PTPRD: variants seen among roughly 807,000 people sequenced by gnomAD.
The protein encoded by PTPRD is receptor-type tyrosine-protein phosphatase delta.
A neutral mutation model predicts 214.5 loss-of-function variants in PTPRD; 34 were observed. The observed-to-expected ratio is 0.16, with a 90% CI of 0.12 to 0.21. The LOEUF (loss-of-function observed/expected upper bound fraction) is 0.21, where lower values mean the gene tolerates loss of function less well. Ranked by LOEUF, PTPRD falls within the 10% of genes least tolerant of loss-of-function variation. PTPRD has a pLI of 1.00. For synonymous variants in PTPRD, 1,128 were observed against 845.7 expected (o/e 1.33, Z -5.79); for missense variants, 2,545 against 2,398.7 (o/e 1.06, Z -1.27).
intron 44 of PTPRD, 141 bp from the exon 45 acceptor site, chr9:8,320,107 T>G: frequency 9.8e-7 from 1 of 1,016,314 alleles, no homozygotes; most frequent in Non-Finnish European, 1.4e-6. Flanking sequence ...GGTATCACAT[T>G]CATCAAATGA....
chr9:10,523,238 C>T (rs927874622), intron 2 of PTPRD, among the ~76,000 whole-genome samples: 3 of 151,854 alleles, frequency 2.0e-5, no homozygotes, highest in African/African-American at 7.3e-5. Flanking sequence ...ATTGCAAAAT[C>T]CTATATGAAA....
intron 8 of PTPRD, among the ~76,000 whole-genome samples, chr9:9,547,789 C>A (rs945105883): frequency 7.0e-6 from 1 of 142,912 alleles, no homozygotes; most frequent in Admixed American, 6.9e-5. Context: ...CTCAAATAAA[C>A]ACAAATTCAC....
intron 11 of PTPRD, among the ~76,000 whole-genome samples, chr9:8,866,076 C>T (rs2098190842): frequency 6.6e-6 from 1 of 152,128 alleles, no homozygotes; most frequent in Non-Finnish European, 1.5e-5. Context: ...TGCCTGTAAA[C>T]ATTATTTCCT....
chr9:9,590,663 A>C (rs752536947), intron 7 of PTPRD, among the ~76,000 whole-genome samples: 3 of 151,874 alleles, frequency 2.0e-5, no homozygotes, highest in Non-Finnish European at 4.4e-5. Flanking sequence ...TTCATAATAA[A>C]ATGATAATCA....
chr9:10,382,816 A>G (rs2154484970), intron 2 of PTPRD, among the ~76,000 whole-genome samples: 1 of 152,036 alleles, frequency 6.6e-6, no homozygotes, highest in Non-Finnish European at 1.5e-5. Context: ...CACAAAATGC[A>G]AAGCACAAAT....
At chr9:8,919,858 C>A (rs2098813735) in intron 11 of PTPRD, among the ~76,000 whole-genome samples, 1 of 150,886 alleles carries the variant, frequency 6.6e-6, no homozygotes, top group African/African-American at 2.5e-5. Context: ...ATCATGCATA[C>A]ATAGATGTAC....
At chr9:9,248,940 G>A (rs1569565670) in intron 9 of PTPRD, among the ~76,000 whole-genome samples, 1 of 152,044 alleles carries the variant, frequency 6.6e-6, no homozygotes, top group East Asian at 1.9e-4. Flanking sequence ...TGGCAAAGCT[G>A]CAGGTTCAGT....
At chr9:10,060,522 C>T (rs1489749270) in intron 3 of PTPRD, among the ~76,000 whole-genome samples, 1 of 151,864 alleles carries the variant, frequency 6.6e-6, no homozygotes, top group African/African-American at 2.4e-5. Flanking sequence ...CACTAGAGGG[C>T]ACTATTGTAA....
At chr9:8,528,825 G>A (rs2074923735) in intron 14 of PTPRD, 46 bp from the exon 15 acceptor site, 2 of 1,578,602 alleles carry the variant, frequency 1.3e-6, no homozygotes, top group Non-Finnish European at 8.7e-7. Context: ...TAAGTCAGAT[G>A]CTCCAAATTC....
intron 6 of PTPRD, among the ~76,000 whole-genome samples, chr9:9,735,500 A>G (rs544925617): frequency 6.6e-6 from 1 of 152,224 alleles, no homozygotes; most frequent in Non-Finnish European, 1.5e-5. Flanking sequence ...ATATGTGCAT[A>G]TGAATATGTG....
intron 5 of PTPRD, among the ~76,000 whole-genome samples, chr9:9,768,738 T>C (rs187141190): frequency 1.6e-3 from 246 of 152,266 alleles, no homozygotes; most frequent in Non-Finnish European, 2.2e-3. Flanking sequence ...AATCCAATTG[T>C]CTAATAGCCA....
At chr9:9,031,142 C>A (rs958915469) in intron 10 of PTPRD, among the ~76,000 whole-genome samples, 76 of 151,990 alleles carry the variant, frequency 5.0e-4, no homozygotes, top group African/African-American at 1.8e-3. Flanking sequence ...AGTAAGATTT[C>A]ATGTGGTGAC....
chr9:10,126,911 T>TC lies in PTPRD; in HGVS notation c.-544-93122dup, dbSNP rs146283002. 2.0e-3 allele frequency among the ~76,000 whole-genome samples: 299 copies of TC among 150,562 alleles called. 2 individuals are homozygous for TC. Among genetic ancestry groups the TC allele is most frequent in the African/African-American group, 6.9e-3 (282 of 41,094 alleles). ...AGATAGAAATTGCCATGTAACCAGC[T>TC]CCCAGAATGCCTTAGACTCTGAGTC... On this transcript the variant is annotated intron_variant, in intron 3 of 45. Coordinates refer to ENST00000381196, the MANE Select transcript of PTPRD (RefSeq NM_002839.4).
intron 7 of PTPRD, among the ~76,000 whole-genome samples, chr9:9,702,627 A>G (rs1347279039): frequency 6.6e-6 from 1 of 152,202 alleles, no homozygotes; most frequent in Non-Finnish European, 1.5e-5. Context: ...GTGAGGAGAA[A>G]ACAGAAAAGA....
At chr9:10,403,227 A>AATATATATATAT (rs58712564) in intron 2 of PTPRD, among the ~76,000 whole-genome samples, 7,763 of 59,362 alleles carry the variant, frequency 0.13, 1,270 homozygotes, top group Non-Finnish European at 0.16. Context: ...TGTGTGTGTA[A>AATATATATATAT]ATATATATAT....
intron 39 of PTPRD, among the ~76,000 whole-genome samples, chr9:8,347,354 C>A (rs926534795): frequency 1.3e-5 from 2 of 152,084 alleles, no homozygotes; most frequent in Admixed American, 1.3e-4. Context: ...ACTCTGTCGC[C>A]TACTATTCCA....
intron 2 of PTPRD, among the ~76,000 whole-genome samples, chr9:10,489,423 G>T (rs62535516): frequency 0.14 from 20,587 of 152,128 alleles, 1,851 homozygotes; most frequent in Non-Finnish European, 0.2. Context: ...GCAGCCTGGG[G>T]TCAGGGGAGG....
intron 34 of PTPRD, among the ~76,000 whole-genome samples, chr9:8,443,434 G>A (rs2095615760): frequency 1.3e-5 from 2 of 152,156 alleles, no homozygotes; most frequent in African/African-American, 4.8e-5. Context: ...TTATTCAGTT[G>A]CTGTGCAGAC....
At position 8,316,996 on chromosome 9, in the gene PTPRD, AACTTTAT is replaced by A. The variant is rs1464496331; in HGVS notation, c.*871_*877del. The A allele has an allele frequency of 3.0e-5, 7 of 231,764 alleles. No individual in the cohort carries two copies. The East Asian group carries it at 4.3e-4, about 14-fold the overall frequency. 14.4% of individuals were successfully genotyped at this position (231,764 alleles called of 1,614,324 possible). A position where few individuals can be genotyped will look rare whatever the true frequency, so the allele number is the denominator to read the frequency against. Reference sequence around the variant, plus strand: ...ATATATATGTATATATGTTAGCAGCAACTTTATACTTTGCGCCTCCCTGTTGATTCCA... The same window carrying A: ...ATATATATGTATATATGTTAGCAGCAACTTTGCGCCTCCCTGTTGATTCCA... On this transcript the variant is annotated 3_prime_UTR_variant, in exon 46 of 46. Transcript: ENST00000381196.
Sources: gnomAD v4.1 joint callset for allele counts (sites outside exome capture counted in the v4.1 genomes callset) on GRCh38, gnomAD v4.1.1 for gene constraint, MANE v1.5 for transcripts, NCBI Gene and HGNC (gene_info 2026-07-23, HGNC 2026-07-21) for gene names.